The following TRPM6 variants were observed in gnomAD, a reference collection of about 807,000 sequenced individuals.
TRPM6 encodes the protein transient receptor potential cation channel subfamily M member 6.
In TRPM6, 111 loss-of-function variants were observed where a neutral mutation model predicts 247.6. The ratio of observed to expected loss-of-function variants is 0.45; its 90% CI spans 0.38 to 0.52. The LOEUF (loss-of-function observed/expected upper bound fraction) is 0.52. TRPM6 is among the 20% of genes least tolerant of loss of function. The pLI is 0.00. For missense variants in TRPM6, 2,126 were observed against 2,421.5 expected (o/e 0.88, Z 2.56); for synonymous variants, 892 against 853.8 (o/e 1.04, Z -0.78).
intron 32 of TRPM6, among the ~76,000 whole-genome samples, chr9:74,743,002 G>T (rs772628398): frequency 3.9e-5 from 6 of 152,166 alleles, no homozygotes; most frequent in Non-Finnish European, 8.8e-5. Flanking sequence ...GGGCTGTGGG[G>T]ACACCTACTG....
intron 9 of TRPM6, among the ~76,000 whole-genome samples, chr9:74,819,474 A>T (rs980767027): frequency 5.3e-5 from 8 of 152,204 alleles, no homozygotes; most frequent in African/African-American, 1.9e-4. Flanking sequence ...GCACCACTGC[A>T]TTCCAGCCTG....
chr9:74,748,091 A>G (rs1178172376), intron 30 of TRPM6, among the ~76,000 whole-genome samples, 177 bp from the exon 31 acceptor site: 2 of 152,224 alleles, frequency 1.3e-5, no homozygotes, highest in African/African-American at 2.4e-5. Flanking sequence ...CAGACAGCAT[A>G]TATTACAATG....
At chr9:74,782,261 A>C in intron 23 of TRPM6, 101 bp downstream of exon 23, 1 of 836,940 alleles carries the variant, frequency 1.2e-6, no homozygotes, top group Non-Finnish European at 2.0e-6. Flanking sequence ...TATAGAACAC[A>C]CAAAAATCAA....
At chr9:74,803,712 C>T in intron 15 of TRPM6, 82 bp downstream of exon 15, 3 of 986,074 alleles carry the variant, frequency 3.0e-6, no homozygotes, top group Non-Finnish European at 4.9e-6. Context: ...TTTGCACCTC[C>T]CTTTCTTTGA....
chr9:74,723,764 T>C lies in TRPM6; in HGVS notation c.*849A>G, dbSNP rs1825215460. On this transcript the variant is annotated 3_prime_UTR_variant, in exon 39 of 39. Coordinates refer to ENST00000360774, the MANE Select transcript of TRPM6 (RefSeq NM_017662.5). ...TTGCAGTGAGATCGCATCATTGCAC[T>C]CCAGCCTGGGTAAAAAGAGTGAAAC... The C allele has an allele frequency of 6.8e-6, 1 of 147,904 alleles. No individual in the cohort carries two copies. Among genetic ancestry groups the C allele is most frequent in the Non-Finnish European group, 1.5e-5 (1 of 66,556 alleles). 9.2% of individuals were successfully genotyped at this position (147,904 alleles called of 1,614,324 possible).
chr9:74,825,872 C>T (rs1338029709), intron 7 of TRPM6, among the ~76,000 whole-genome samples: 1 of 152,060 alleles, frequency 6.6e-6, no homozygotes, highest in Non-Finnish European at 1.5e-5. Context: ...TCTTCAAGGT[C>T]CTTCTCTGAC....
intron 20 of TRPM6, among the ~76,000 whole-genome samples, chr9:74,787,221 G>T (rs944209709): frequency 2.1e-4 from 32 of 151,964 alleles, no homozygotes; most frequent in African/African-American, 7.7e-4. Context: ...TGTAATCCCA[G>T]CTACTCCGGA....
rs994447621 is a variant in TRPM6, at chr9:74,775,776, C to T, written c.3403+107G>A. 2.6e-6 allele frequency: 3 copies of T among 1,145,020 alleles called. No individual in the cohort carries two copies. The African/African-American group carries it at 4.5e-5, about 17-fold the overall frequency. 70.9% of individuals were successfully genotyped at this position (1,145,020 alleles called of 1,614,324 possible). ...GCTGATATTCTATTGTCAGGGAACT[C>T]CCAGAGCCCCACAGTGCCCTGAACT... On this transcript the variant is annotated intron_variant, in intron 24 of 38. Transcript: ENST00000360774.
intron 3 of TRPM6, among the ~76,000 whole-genome samples, chr9:74,853,481 A>C (rs968998552): frequency 1.1e-4 from 17 of 152,250 alleles, no homozygotes; most frequent in African/African-American, 4.1e-4. Flanking sequence ...GGAAATAAGT[A>C]GACATAGGAG....
chr9:74,817,070 CATT>C (rs1261939831), intron 9 of TRPM6, 106 bp from the exon 10 acceptor site: 2 of 1,060,618 alleles, frequency 1.9e-6, no homozygotes, highest in African/African-American at 3.1e-5. Context: ...TTGAGGAAAA[CATT>C]CTTCTTTAAA....
At chr9:74,761,639 G>A in intron 27 of TRPM6, 57 bp downstream of exon 27, 2 of 1,022,442 alleles carry the variant, frequency 2.0e-6, no homozygotes, top group Non-Finnish European at 3.1e-6. Context: ...ATCAAACTAA[G>A]ATAGGCCACT....
Position 74,806,819 on chromosome 9 carries a change from A to G in TRPM6, c.1638+1215T>C, listed in dbSNP as rs550734897. Reference sequence around the variant, plus strand: ...TTGACTCCAAAATCATGTGCTTGTAACTACTACAGTCTAGTTTAATATGAC... The same window carrying G: ...TTGACTCCAAAATCATGTGCTTGTAGCTACTACAGTCTAGTTTAATATGAC... On this transcript the variant is annotated intron_variant, in intron 14 of 38. Coordinates refer to ENST00000360774, the MANE Select transcript of TRPM6 (RefSeq NM_017662.5). Among the ~76,000 whole-genome samples, 7 of 152,326 alleles carry G rather than the reference A, an allele frequency of 4.6e-5. No individual in the cohort carries two copies. The East Asian group carries it at 7.7e-4, about 17-fold the overall frequency.
At chr9:74,886,555 C>T (rs1831535444) in intron 1 of TRPM6, among the ~76,000 whole-genome samples, 2 of 151,310 alleles carry the variant, frequency 1.3e-5, no homozygotes, top group African/African-American at 4.9e-5. Flanking sequence ...TCTTAAAGCA[C>T]TGACCTGAGT....
intron 9 of TRPM6, among the ~76,000 whole-genome samples, chr9:74,818,862 GT>G (rs543200085): frequency 8.9e-4 from 130 of 146,060 alleles, no homozygotes; most frequent in African/African-American, 2.5e-3. Flanking sequence ...ACTTCAGTTG[GT>G]TTTTTTTTTT....
chr9:74,746,405 G>C (rs1826049599), intron 31 of TRPM6, among the ~76,000 whole-genome samples: 1 of 152,194 alleles, frequency 6.6e-6, no homozygotes, highest in Non-Finnish European at 1.5e-5. Flanking sequence ...GCCATTTCCT[G>C]AGATGAGAGA....
chr9:74,826,838 A>T (rs1411933037), intron 7 of TRPM6: 1 of 149,372 alleles, frequency 6.7e-6, no homozygotes, highest in Non-Finnish European at 1.5e-5. Context: ...CCCCAGGTTC[A>T]AGTCATTCTC....
intron 36 of TRPM6, among the ~76,000 whole-genome samples, chr9:74,737,602 T>A (rs893275201): frequency 2.0e-5 from 3 of 152,324 alleles, no homozygotes; most frequent in African/African-American, 7.2e-5. Flanking sequence ...TAAGTCTGCA[T>A]CCTGGCTCCC....
rs570881569 is a variant in TRPM6, at chr9:74,787,779, G to A, written c.2667+835C>T. Among the ~76,000 whole-genome samples, 7 of 152,252 alleles carry A rather than the reference G, an allele frequency of 4.6e-5. No homozygotes were observed. The South Asian group carries it at 1.2e-3, about 27-fold the overall frequency. On this transcript the variant is annotated intron_variant, in intron 20 of 38. Transcript: ENST00000360774. ...CACACAGGCTGGAGTGCAGTGGTGC[G>A]ATCTTGGCTCACTGCAACCTCCACC...
rs1161401022 is a variant in TRPM6, at chr9:74,818,293, C to CTTTTTTT, written c.1135-1336_1135-1330dup. On this transcript the variant is annotated intron_variant, in intron 9 of 38. Coordinates refer to ENST00000360774, the MANE Select transcript of TRPM6 (RefSeq NM_017662.5). ...AACTCACGTTTCAGATCTATCATTT[C>CTTTTTTT]TTTTTTTTTTTTTTTTTTTTTTTTT... Among the ~76,000 whole-genome samples, 108 of 72,024 alleles carry CTTTTTTT rather than the reference C, an allele frequency of 1.5e-3. 5 individuals are homozygous for CTTTTTTT. The highest frequency in any genetic ancestry group is 1.8e-3 in the African/African-American group (29 of 16,320). The allele number at this position is 72,024 out of a possible 152,430, so 47.3% of individuals were successfully genotyped here. A position where few individuals can be genotyped will look rare whatever the true frequency, so the allele number is the denominator to read the frequency against.
Sources: gnomAD v4.1 joint callset for allele counts (sites outside exome capture counted in the v4.1 genomes callset) on GRCh38, gnomAD v4.1.1 for gene constraint, MANE v1.5 for transcripts, NCBI Gene and HGNC (gene_info 2026-07-23, HGNC 2026-07-21) for gene names.